Variants in NEMP2 observed in about 807,000 individuals in gnomAD.
NEMP2 encodes UPF0571 transmembrane protein.
NEMP2 carries 53 observed loss-of-function variants against 54.2 expected under a neutral mutation model. The ratio of observed to expected loss-of-function variants is 0.98; its 90% CI spans 0.78 to 1.23. NEMP2 has a LOEUF of 1.23. Ranked by LOEUF, NEMP2 falls within the 50% of genes most tolerant of loss-of-function variation. The probability of loss-of-function intolerance (pLI) is 0.00; values close to 1 mark genes in which losing one functional copy is unlikely to be tolerated. For missense variants in NEMP2, 455 were observed against 511.3 expected (o/e 0.89, Z 1.06); for synonymous variants, 197 against 190.3 (o/e 1.04, Z -0.29).
rs564092453 is a variant in NEMP2, at chr2:190,527,140, A to C, written c.98-1762T>G. ...ATGGGTACACAAAGAAATGGGCTTT[A>C]CATCCAACCCCTGACTCCTTTAAGG... On this transcript the variant is annotated intron_variant, in intron 1 of 8. Transcript: ENST00000409150. The surrounding 1 kb of genome is among the most constrained non-coding windows in gnomAD (Gnocchi z 4.0). Among the ~76,000 whole-genome samples the C allele has an allele frequency of 6.6e-6, 1 of 152,222 alleles. No individual in the cohort carries two copies. Among genetic ancestry groups the C allele is most frequent in the Non-Finnish European group, 1.5e-5 (1 of 68,048 alleles).
chr2:190,640,944 CACTT>C, the NEMP2 span: 2 of 151,908 alleles, frequency 1.3e-5, no homozygotes, highest in African/African-American at 2.4e-5. Context: ...CTTTTCCTGA[CACTT>C]ACCTCTTGCA....
the NEMP2 span, among the ~76,000 whole-genome samples, chr2:190,629,139 T>C: frequency 2.6e-5 from 4 of 152,226 alleles, no homozygotes; most frequent in Admixed American, 2.0e-4. Context: ...ATCAGATTTA[T>C]CTTGCAGCTG....
the NEMP2 span, among the ~76,000 whole-genome samples, chr2:190,438,215 TA>T: frequency 1.3e-5 from 2 of 148,908 alleles, no homozygotes; most frequent in Non-Finnish European, 3.0e-5. The surrounding 1 kb of genome is among the most constrained non-coding windows in gnomAD (Gnocchi z 5.2). Flanking sequence ...CTTTTAGTTA[TA>T]AAAAAAAAAA....
chr2:190,522,214 G>A lies in NEMP2; in HGVS notation c.214-3031C>T, dbSNP rs926097438. 1.3e-5 allele frequency among the ~76,000 whole-genome samples: 2 copies of A among 151,942 alleles called. No individual in the cohort carries two copies. The highest frequency in any genetic ancestry group is 2.9e-5 in the Non-Finnish European group (2 of 68,018). Reference sequence around the variant, plus strand: ...TAAAGATGGAAACAACAGACAACTGGGGACTTCAGAAGGTGGTTGGGAGAG... The same window carrying A: ...TAAAGATGGAAACAACAGACAACTGAGGACTTCAGAAGGTGGTTGGGAGAG... On this transcript the variant is annotated intron_variant, in intron 2 of 8. Coordinates refer to ENST00000409150, the MANE Select transcript of NEMP2 (RefSeq NM_001142645.2). The surrounding 1 kb of genome is among the most constrained non-coding windows in gnomAD (Gnocchi z 5.0).
At chr2:190,450,150 G>C in the NEMP2 span, among the ~76,000 whole-genome samples, 2 of 152,256 alleles carry the variant, frequency 1.3e-5, no homozygotes, top group African/African-American at 4.8e-5. Context: ...TCGTTATCTT[G>C]AGTAATAGAG....
At chr2:190,563,783 T>G in the NEMP2 span, among the ~76,000 whole-genome samples, 33 of 152,184 alleles carry the variant, frequency 2.2e-4, no homozygotes, top group Non-Finnish European at 3.7e-4. This position sits in a 1 kb window ranked among gnomAD's most constrained non-coding sequence, Gnocchi z 4.3. Flanking sequence ...ATAGGCTGCC[T>G]GACAAGATTA....
the NEMP2 span, chr2:190,477,475 C>T: frequency 2.0e-4 from 117 of 582,362 alleles, no homozygotes; most frequent in African/African-American, 2.3e-3. Context: ...TGGAAAAGGA[C>T]GGTTTCCATA....
chr2:190,497,684 A>G, the NEMP2 span: 1 of 1,614,128 alleles, frequency 6.2e-7, no homozygotes, highest in Non-Finnish European at 8.5e-7. This position sits in a 1 kb window ranked among gnomAD's most constrained non-coding sequence, Gnocchi z 5.2. Flanking sequence ...GCAACTCACA[A>G]GAGACAACCG....
At chr2:190,551,383 TTTC>T in the NEMP2 span, among the ~76,000 whole-genome samples, 1 of 151,878 alleles carries the variant, frequency 6.6e-6, no homozygotes, top group Admixed American at 6.5e-5. Context: ...TTAATTTTTT[TTTC>T]TTCTTTTTTC....
the NEMP2 span, among the ~76,000 whole-genome samples, chr2:190,424,160 T>C: frequency 3.9e-5 from 6 of 152,126 alleles, no homozygotes; most frequent in Non-Finnish European, 8.8e-5. The surrounding 1 kb of genome is among the most constrained non-coding windows in gnomAD (Gnocchi z 5.9). Context: ...CATTAGTTTT[T>C]CCTTTTATGG....
At chr2:190,607,337 G>C in the NEMP2 span, among the ~76,000 whole-genome samples, 5 of 152,172 alleles carry the variant, frequency 3.3e-5, no homozygotes, top group Admixed American at 3.3e-4. The surrounding 1 kb of genome is among the most constrained non-coding windows in gnomAD (Gnocchi z 5.2). Flanking sequence ...GGAGTGGGCT[G>C]TGGTTCTTCT....
the NEMP2 span, among the ~76,000 whole-genome samples, chr2:190,422,661 G>A: frequency 1.3e-5 from 2 of 152,140 alleles, no homozygotes; most frequent in Non-Finnish European, 2.9e-5. Context: ...GTTCTGAAAC[G>A]ATGATGTGCT....
chr2:190,432,634 C>T, the NEMP2 span, among the ~76,000 whole-genome samples: 1 of 152,162 alleles, frequency 6.6e-6, no homozygotes, highest in Admixed American at 6.5e-5. Context: ...CCAGGCTGCT[C>T]TTGAACTCCT....
At chr2:190,563,900 C>T in the NEMP2 span, among the ~76,000 whole-genome samples, 1 of 152,214 alleles carries the variant, frequency 6.6e-6, no homozygotes, top group Non-Finnish European at 1.5e-5. This position sits in a 1 kb window ranked among gnomAD's most constrained non-coding sequence, Gnocchi z 4.3. Flanking sequence ...GGGGCTGGCC[C>T]CAGGGGAGGC....
At chr2:190,633,465 C>A in the NEMP2 span, among the ~76,000 whole-genome samples, 2 of 152,038 alleles carry the variant, frequency 1.3e-5, no homozygotes, top group Non-Finnish European at 2.9e-5. Flanking sequence ...AGGCACCCAC[C>A]ACCATGCCCA....
chr2:190,466,049 C>T, the NEMP2 span, among the ~76,000 whole-genome samples: 1 of 152,164 alleles, frequency 6.6e-6, no homozygotes, highest in Non-Finnish European at 1.5e-5. Context: ...TGGTTACTTC[C>T]AAGGGCCTCT....
chr2:190,449,699 T>C, the NEMP2 span, among the ~76,000 whole-genome samples: 1 of 152,038 alleles, frequency 6.6e-6, no homozygotes, highest in Non-Finnish European at 1.5e-5. Context: ...AAATGATGAG[T>C]TCATGTCCTT....
the NEMP2 span, among the ~76,000 whole-genome samples, chr2:190,639,643 TTTTTTG>T: frequency 1.3e-5 from 2 of 151,580 alleles, no homozygotes; most frequent in African/African-American, 4.8e-5. Flanking sequence ...TGAGTTTTTT[TTTTTTG>T]TTTTTTGTTT....
chr2:190,496,678 G>A, the NEMP2 span, among the ~76,000 whole-genome samples: 150 of 151,818 alleles, frequency 9.9e-4, no homozygotes, highest in African/African-American at 3.5e-3. The surrounding 1 kb of genome is among the most constrained non-coding windows in gnomAD (Gnocchi z 4.7). Flanking sequence ...ATGTGTGTGT[G>A]TATATACACA....
Sources: allele counts gnomAD v4.1 joint callset (sites outside exome capture counted in the v4.1 genomes callset), GRCh38; gene constraint gnomAD v4.1.1; non-coding constraint Gnocchi (gnomAD v3.1); transcripts MANE v1.5; gene names NCBI Gene and HGNC (gene_info 2026-07-23, HGNC 2026-07-21).